The following SPTSSA variants were observed in gnomAD, a reference collection of about 807,000 sequenced individuals.
The protein encoded by SPTSSA is small subunit of serine palmitoyltransferase A.
A neutral mutation model predicts 9.1 loss-of-function variants in SPTSSA; 8 were observed. That is an observed-to-expected ratio of 0.88 (90% confidence interval 0.51 to 1.58). The LOEUF is 1.58. Among genes scored for constraint, SPTSSA ranks in the 40% most tolerant of loss-of-function variants. SPTSSA has a pLI of 0.00. For synonymous variants in SPTSSA, 42 were observed against 37.7 expected (o/e 1.11, Z -0.41); for missense variants, 100 against 93.8 (o/e 1.07, Z -0.27).
intron 1 of SPTSSA, among the ~76,000 whole-genome samples, chr14:34,438,392 G>C (rs1883271727): frequency 6.6e-6 from 1 of 152,028 alleles, no homozygotes; most frequent in Admixed American, 6.6e-5. Flanking sequence ...TGACTGTCAT[G>C]TTGTTGCTCA....
Position 34,435,117 on chromosome 14 carries a change from G to T in SPTSSA, c.*84C>A. 9.6e-7 allele frequency: 1 copy of T among 1,044,604 alleles called. No homozygotes were observed. Among genetic ancestry groups the T allele is most frequent in the Non-Finnish European group, 1.4e-6 (1 of 702,602 alleles). The allele number at this position is 1,044,604 out of a possible 1,614,324, so 64.7% of individuals were successfully genotyped here. ...GTTGGTTATGTTGACATCTAGAAGA[G>T]TTTCTTATCACATCTGATGGTCTCA... On this transcript the variant is annotated 3_prime_UTR_variant, in exon 2 of 2. Coordinates refer to ENST00000298130, the MANE Select transcript of SPTSSA (RefSeq NM_138288.4).
At chr14:34,453,884 T>TAA (rs58447640) in intron 1 of SPTSSA, among the ~76,000 whole-genome samples, 26,153 of 147,600 alleles carry the variant, frequency 0.18, 2,395 homozygotes, top group East Asian at 0.28. Flanking sequence ...TTTGTTCTTT[T>TAA]AAAAAAAAAA....
intron 1 of SPTSSA, among the ~76,000 whole-genome samples, chr14:34,443,018 T>TGTGTG (rs1883347071): frequency 1.8e-5 from 2 of 110,206 alleles, no homozygotes; most frequent in African/African-American, 3.6e-5. Context: ...GTGTGTGTGT[T>TGTGTG]TGTGTGTGTG....
At chr14:34,442,739 C>A (rs1883339245) in intron 1 of SPTSSA, among the ~76,000 whole-genome samples, 1 of 152,170 alleles carries the variant, frequency 6.6e-6, no homozygotes, top group Admixed American at 6.5e-5. Context: ...CGATCCTTTG[C>A]TACTGTTTGG....
intron 1 of SPTSSA, among the ~76,000 whole-genome samples, chr14:34,457,971 G>GA (rs750575678): frequency 0.097 from 5,297 of 54,394 alleles, 181 homozygotes; most frequent in Non-Finnish European, 0.12. Flanking sequence ...GACTGTCTCG[G>GA]AAAAAAAAAA....
At chr14:34,460,987 T>G (rs1025732782) in intron 1 of SPTSSA, among the ~76,000 whole-genome samples, 2 of 152,166 alleles carry the variant, frequency 1.3e-5, no homozygotes, top group Non-Finnish European at 2.9e-5. Flanking sequence ...GAGTACAACC[T>G]TAAGCTATCT....
chr14:34,459,238 G>A (rs1162149187), intron 1 of SPTSSA, among the ~76,000 whole-genome samples: 1 of 151,632 alleles, frequency 6.6e-6, no homozygotes. Context: ...TTTGAGACCA[G>A]ACTGGCCAAC....
intron 1 of SPTSSA, among the ~76,000 whole-genome samples, chr14:34,435,623 C>CTTTTTT (rs769896697): frequency 5.7e-4 from 53 of 92,434 alleles, no homozygotes; most frequent in African/African-American, 1.8e-3. Flanking sequence ...GTTTGTTTCT[C>CTTTTTT]TTTTTTTTTT....
Position 34,458,253 on chromosome 14 carries a change from C to T in SPTSSA, c.112+3843G>A, listed in dbSNP as rs555712786. Among the ~76,000 whole-genome samples the T allele has an allele frequency of 4.0e-5, 6 of 151,872 alleles. No homozygotes were observed. The South Asian group carries it at 1.0e-3, about 26-fold the overall frequency. On this transcript the variant is annotated intron_variant, in intron 1 of 1. Transcript: ENST00000298130. ...TGTCACCTAGGCTGGAGTGCAGTGG[C>T]GCCATCTCAGCTCACTGCAACCTCT...
At chr14:34,449,785 G>A (rs1267529470) in intron 1 of SPTSSA, among the ~76,000 whole-genome samples, 1 of 152,224 alleles carries the variant, frequency 6.6e-6, no homozygotes. Flanking sequence ...TTATAGGCGT[G>A]AGCCACCACA....
rs1348138302 is a variant in SPTSSA at position 34,433,050 on chromosome 14, T to C, written c.*2151A>G. On this transcript the variant is annotated 3_prime_UTR_variant, in exon 2 of 2. Transcript: ENST00000298130. ...TAACAAAAAGTGAAAATGATTTCCC[T>C]GTTATTTACTAACAAATAGACCAGA... 1 of 152,202 alleles carries C rather than the reference T, an allele frequency of 6.6e-6. No homozygotes were observed. Among genetic ancestry groups the C allele is most frequent in the African/African-American group, 2.4e-5 (1 of 41,450 alleles). 9.4% of individuals were successfully genotyped at this position (152,202 alleles called of 1,614,324 possible).
At position 34,433,425 on chromosome 14, in the gene SPTSSA, T is replaced by G. The variant is rs939572515; in HGVS notation, c.*1776A>C. ...AGTAGAGGAAAGCCAAATTTGGGCA[T>G]TAATAGAACAAATCTTATGTTAAAT... On this transcript the variant is annotated 3_prime_UTR_variant, in exon 2 of 2. Transcript: ENST00000298130. 9.9e-5 allele frequency: 15 copies of G among 152,160 alleles called. No individual in the cohort carries two copies. The highest frequency in any genetic ancestry group is 8.8e-5 in the Non-Finnish European group (6 of 68,032). The allele number at this position is 152,160 out of a possible 1,614,324, so 9.4% of individuals were successfully genotyped here.
chr14:34,459,099 A>G (rs1348833886), intron 1 of SPTSSA, among the ~76,000 whole-genome samples: 2 of 152,034 alleles, frequency 1.3e-5, no homozygotes, highest in Admixed American at 6.6e-5. Context: ...AATGCATTAT[A>G]TAGCAGGAAA....
intron 1 of SPTSSA, among the ~76,000 whole-genome samples, chr14:34,454,657 C>A (rs1289664869): frequency 6.6e-6 from 1 of 152,168 alleles, no homozygotes; most frequent in East Asian, 1.9e-4. Flanking sequence ...AAGGAGAATC[C>A]GGTTAAAGGT....
intron 1 of SPTSSA, among the ~76,000 whole-genome samples, chr14:34,446,820 T>C (rs921443011): frequency 1.3e-5 from 2 of 152,222 alleles, no homozygotes; most frequent in South Asian, 2.1e-4. Flanking sequence ...TGCTAAATAA[T>C]AGAATTGGCT....
Position 34,462,144 on chromosome 14 carries a change from GC to G in SPTSSA, c.63del (p.Leu22TrpfsTer71). On this transcript the variant is annotated frameshift_variant, in exon 1 of 2. Coordinates refer to ENST00000298130, the MANE Select transcript of SPTSSA (RefSeq NM_138288.4). LOFTEE classifies it high-confidence loss of function. The part of the protein sequence containing the change: ...KQMSWFYYQY[L>X]LVTALYMLEP... ...TCCAGCATGTAGAGCGCCGTGACCAGCAGGTACTGGTAGTAGAACCAGGACA... is the reference window on the plus strand; with the variant it reads ...TCCAGCATGTAGAGCGCCGTGACCAGAGGTACTGGTAGTAGAACCAGGACA... The G allele has an allele frequency of 6.5e-7, 1 of 1,533,268 alleles. No homozygotes were observed. Among genetic ancestry groups the G allele is most frequent in the Admixed American group, 1.9e-5 (1 of 53,284 alleles). The allele number at this position is 1,533,268 out of a possible 1,614,324, so 95.0% of individuals were successfully genotyped here. A position where few individuals can be genotyped will look rare whatever the true frequency, so the allele number is the denominator to read the frequency against.
At chr14:34,442,663 TG>T (rs1418107755) in intron 1 of SPTSSA, among the ~76,000 whole-genome samples, 1 of 152,224 alleles carries the variant, frequency 6.6e-6, no homozygotes, top group African/African-American at 2.4e-5. Flanking sequence ...GAAAGTGGAA[TG>T]GTGTTACATG....
chr14:34,438,242 G>C (rs1883269290), intron 1 of SPTSSA, among the ~76,000 whole-genome samples: 1 of 151,506 alleles, frequency 6.6e-6, no homozygotes, highest in Non-Finnish European at 1.5e-5. Context: ...TACAGGTTGA[G>C]TATCCCTCAT....
At chr14:34,443,005 G>GGT (rs1417331069) in intron 1 of SPTSSA, among the ~76,000 whole-genome samples, 2 of 140,064 alleles carry the variant, frequency 1.4e-5, no homozygotes, top group African/African-American at 2.7e-5. Context: ...TCCCTCTAGG[G>GGT]GTGTGTGTGT....
Sources: gnomAD v4.1 joint callset for allele counts (sites outside exome capture counted in the v4.1 genomes callset) on GRCh38, gnomAD v4.1.1 for gene constraint, MANE v1.5 for transcripts, NCBI Gene and HGNC (gene_info 2026-07-23, HGNC 2026-07-21) for gene names.